Variants in DLGAP2 observed in about 807,000 individuals in gnomAD.
The protein encoded by DLGAP2 is disks large-associated protein 2.
In DLGAP2, 26 loss-of-function variants were observed where a neutral mutation model predicts 100.3. The ratio of observed to expected loss-of-function variants is 0.26; its 90% CI spans 0.19 to 0.36. DLGAP2 has a LOEUF of 0.36. Ranked by LOEUF, DLGAP2 falls within the 10% of genes least tolerant of loss-of-function variation. The pLI is 1.00. For synonymous variants in DLGAP2, 886 were observed against 630.1 expected, an observed-to-expected ratio of 1.41 and a Z score of -6.08; for missense variants, 1,858 against 1,453.2, an observed-to-expected ratio of 1.28 and a Z score of -4.53.
chr8:1,311,295 C>G (rs1800608536), intron 3 of DLGAP2, among the ~76,000 whole-genome samples: 1 of 152,004 alleles, frequency 6.6e-6, no homozygotes, highest in African/African-American at 2.4e-5. Flanking sequence ...AAAAATAAAT[C>G]CTTGGAAAGA....
chr8:738,229 G>A (rs1289377499), intron 1 of DLGAP2: 1 of 157,788 alleles, frequency 6.3e-6, no homozygotes, highest in Non-Finnish European at 1.4e-5. Flanking sequence ...CGAGCGAGTG[G>A]GGGCGGCGGG....
At chr8:1,225,913 C>T (rs957131350) in intron 2 of DLGAP2, among the ~76,000 whole-genome samples, 2 of 152,136 alleles carry the variant, frequency 1.3e-5, no homozygotes, top group South Asian at 2.1e-4. Context: ...TATATCAAAA[C>T]ATCATGCTGT....
intron 14 of DLGAP2, among the ~76,000 whole-genome samples, 158 bp downstream of exon 14, chr8:1,697,457 C>A (rs963308536): frequency 1.3e-5 from 2 of 152,168 alleles, no homozygotes; most frequent in Non-Finnish European, 2.9e-5. Context: ...TGTATACGCA[C>A]ATGTGTGTGC....
chr8:1,223,055 C>T (rs934776987), intron 2 of DLGAP2, among the ~76,000 whole-genome samples: 1 of 152,164 alleles, frequency 6.6e-6, no homozygotes, highest in African/African-American at 2.4e-5. Context: ...GGCACTTCTC[C>T]CTGCCAGCTC....
At chr8:1,097,864 T>C (rs1391719145) in intron 2 of DLGAP2, among the ~76,000 whole-genome samples, 1 of 150,236 alleles carries the variant, frequency 6.7e-6, no homozygotes, top group Non-Finnish European at 1.5e-5. Flanking sequence ...GTCTGTGGCA[T>C]GGAGAGGTCC....
intron 1 of DLGAP2, among the ~76,000 whole-genome samples, chr8:828,651 T>A (rs1486399497): frequency 1.3e-5 from 2 of 152,198 alleles, no homozygotes; most frequent in Admixed American, 6.5e-5. Flanking sequence ...ATTAAGAGAT[T>A]AAAGTAAAGA....
chr8:1,635,018 A>G (rs572194230), intron 8 of DLGAP2, among the ~76,000 whole-genome samples: 1 of 152,242 alleles, frequency 6.6e-6, no homozygotes, highest in Non-Finnish European at 1.5e-5. Flanking sequence ...GTTATGTGAC[A>G]TCTGAGAATC....
chr8:1,498,819 G>A (rs1799622846), intron 3 of DLGAP2, among the ~76,000 whole-genome samples: 1 of 152,158 alleles, frequency 6.6e-6, no homozygotes, highest in Non-Finnish European at 1.5e-5. Context: ...ACAAAATGTA[G>A]GCTGAAAATA....
At chr8:1,123,620 A>C (rs1796099169) in intron 2 of DLGAP2, among the ~76,000 whole-genome samples, 1 of 151,678 alleles carries the variant, frequency 6.6e-6, no homozygotes, top group African/African-American at 2.4e-5. Flanking sequence ...TGTGTAATTT[A>C]TCTTTCCTTT....
intron 3 of DLGAP2, among the ~76,000 whole-genome samples, chr8:1,466,271 G>C (rs1798622592): frequency 6.6e-6 from 1 of 152,024 alleles, no homozygotes; most frequent in South Asian, 2.1e-4. Context: ...GACTTGAATG[G>C]CTTAACTGAC....
chr8:1,521,703 C>A (rs1348652509), intron 4 of DLGAP2, among the ~76,000 whole-genome samples: 128 of 18,088 alleles, frequency 7.1e-3, no homozygotes, highest in African/African-American at 0.015. Flanking sequence ...CTGGTTTGCA[C>A]ACTTGTTTTA....
chr8:831,539 G>T (rs1055893612), intron 1 of DLGAP2, among the ~76,000 whole-genome samples: 1 of 152,118 alleles, frequency 6.6e-6, no homozygotes, highest in African/African-American at 2.4e-5. Flanking sequence ...TGCAAAGGAC[G>T]TGAACTCATC....
chr8:1,364,129 C>A (rs574589018), intron 3 of DLGAP2, among the ~76,000 whole-genome samples: 2 of 152,312 alleles, frequency 1.3e-5, no homozygotes, highest in East Asian at 3.9e-4. Flanking sequence ...CACCTTCCCT[C>A]CTGAGCCCGT....
intron 3 of DLGAP2, among the ~76,000 whole-genome samples, chr8:1,349,023 A>C (rs901316191): frequency 6.6e-6 from 1 of 151,802 alleles, no homozygotes; most frequent in Non-Finnish European, 1.5e-5. Flanking sequence ...ACTCATGGTG[A>C]GATAAATTAG....
At chr8:890,437 T>C (rs1446916963) in intron 1 of DLGAP2, among the ~76,000 whole-genome samples, 1 of 152,074 alleles carries the variant, frequency 6.6e-6, no homozygotes, top group Non-Finnish European at 1.5e-5. Context: ...GGGAATTGCC[T>C]CTCCAGCCTG....
At chr8:820,806 C>T (rs1796569989) in intron 1 of DLGAP2, among the ~76,000 whole-genome samples, 1 of 152,040 alleles carries the variant, frequency 6.6e-6, no homozygotes, top group Non-Finnish European at 1.5e-5. Flanking sequence ...TGGAGATAAC[C>T]TAAATACTCA....
At chr8:937,568 A>G (rs1017376748) in intron 2 of DLGAP2, among the ~76,000 whole-genome samples, 81 of 152,138 alleles carry the variant, frequency 5.3e-4, no homozygotes, top group African/African-American at 1.9e-3. Context: ...AGAGAGAGCA[A>G]TCTTTCTCCA....
chr8:911,820 C>A (rs1798491531), intron 2 of DLGAP2, among the ~76,000 whole-genome samples: 1 of 152,166 alleles, frequency 6.6e-6, no homozygotes, highest in Non-Finnish European at 1.5e-5. Context: ...TGCTGGAGAA[C>A]ACATCAGAAG....
At chr8:858,214 A>G (rs1158513325) in intron 1 of DLGAP2, among the ~76,000 whole-genome samples, 3 of 152,264 alleles carry the variant, frequency 2.0e-5, no homozygotes, top group Non-Finnish European at 4.4e-5. Context: ...AGATGAATGA[A>G]TAACCAAACT....
Sources: gnomAD v4.1 joint callset for allele counts (sites outside exome capture counted in the v4.1 genomes callset) on GRCh38, gnomAD v4.1.1 for gene constraint, MANE v1.5 for transcripts, NCBI Gene and HGNC (gene_info 2026-07-23, HGNC 2026-07-21) for gene names.